SNCAIP: variants seen among roughly 807,000 people sequenced by gnomAD.
The protein encoded by SNCAIP is synuclein alpha interacting protein.
Under a neutral mutation model 86.7 loss-of-function variants are expected in SNCAIP, and 43 were observed. The ratio of observed to expected loss-of-function variants is 0.50; its 90% CI spans 0.39 to 0.64. The LOEUF is 0.64. Among genes scored for constraint, SNCAIP ranks in the 30% least tolerant of loss-of-function variants. The pLI, the probability that SNCAIP is intolerant of heterozygous loss-of-function variation, is 0.00. For synonymous variants in SNCAIP, 417 were observed against 427.2 expected (o/e 0.98, Z 0.29); for missense variants, 981 against 1,103.1 (o/e 0.89, Z 1.57).
chr5:122,363,498 T>A (rs2152772792), intron 1 of SNCAIP, among the ~76,000 whole-genome samples: 1 of 152,148 alleles, frequency 6.6e-6, no homozygotes, highest in South Asian at 2.1e-4. Flanking sequence ...TGATATTGCC[T>A]CCCCTTGCCA....
At chr5:122,312,526 TG>T (rs1750813719) in intron 1 of SNCAIP, 1 of 152,296 alleles carries the variant, frequency 6.6e-6, no homozygotes, top group Non-Finnish European at 1.5e-5. Context: ...GCTGCTTTAC[TG>T]GGGAAAGGGG....
intron 10 of SNCAIP, chr5:122,454,645 T>C (rs1784361022): frequency 1.3e-5 from 2 of 152,720 alleles, no homozygotes; most frequent in Non-Finnish European, 2.9e-5. Flanking sequence ...TTGGGAGGAA[T>C]GTGTTTTCTG....
chr5:122,406,488 A>G lies in SNCAIP; in HGVS notation c.130+2623A>G, dbSNP rs57779750. On this transcript the variant is annotated intron_variant, in intron 3 of 10. Coordinates refer to ENST00000261368, the MANE Select transcript of SNCAIP (RefSeq NM_005460.4). Reference sequence around the variant, plus strand: ...GGATCTCTGTTCCCATCCAAACCTCATGTTGAATGGTAAACCCTAATGTTG... The same window carrying G: ...GGATCTCTGTTCCCATCCAAACCTCGTGTTGAATGGTAAACCCTAATGTTG... Among the ~76,000 whole-genome samples the G allele has an allele frequency of 8.2e-3, 1,252 of 152,214 alleles. 20 individuals are homozygous for G. Among genetic ancestry groups the G allele is most frequent in the African/African-American group, 0.028 (1,177 of 41,534 alleles).
chr5:122,435,108 TG>T (rs1437881924), intron 6 of SNCAIP, among the ~76,000 whole-genome samples: 1 of 152,052 alleles, frequency 6.6e-6, no homozygotes, highest in Non-Finnish European at 1.5e-5. Context: ...GATAGATCCC[TG>T]GGTGATAGGA....
chr5:122,325,207 A>G (rs945918072), intron 1 of SNCAIP, among the ~76,000 whole-genome samples: 20 of 152,150 alleles, frequency 1.3e-4, no homozygotes, highest in African/African-American at 4.8e-4. Flanking sequence ...GCTCTGTGTG[A>G]TAAGATGGCT....
At chr5:122,313,093 C>T (rs1750962081) in intron 1 of SNCAIP, among the ~76,000 whole-genome samples, 1 of 152,254 alleles carries the variant, frequency 6.6e-6, no homozygotes, top group Non-Finnish European at 1.5e-5. Context: ...CGAAGAAAGT[C>T]TTAGGAAACA....
chr5:122,451,681 C>A, intron 10 of SNCAIP, 80 bp downstream of exon 10: 3 of 1,107,782 alleles, frequency 2.7e-6, no homozygotes, highest in Non-Finnish European at 2.7e-6. Flanking sequence ...TGTGGGCCCA[C>A]ACTACCTTGA....
At chr5:122,390,393 C>T (rs907523118) in intron 1 of SNCAIP, among the ~76,000 whole-genome samples, 3 of 152,078 alleles carry the variant, frequency 2.0e-5, no homozygotes, top group Non-Finnish European at 4.4e-5. Context: ...TAAAGGGTTG[C>T]CCCAGGCGGC....
intron 1 of SNCAIP, among the ~76,000 whole-genome samples, chr5:122,318,876 C>T (rs1319120779): frequency 6.6e-6 from 1 of 151,854 alleles, no homozygotes; most frequent in Non-Finnish European, 1.5e-5. Flanking sequence ...TTATGAGGCA[C>T]TCTGTTTTGA....
chr5:122,438,124 T>C (rs747438031), intron 6 of SNCAIP, among the ~76,000 whole-genome samples: 4 of 152,188 alleles, frequency 2.6e-5, no homozygotes, highest in Non-Finnish European at 5.9e-5. Flanking sequence ...AAGAAGTCTC[T>C]AGAATATCAA....
At position 122,358,159 on chromosome 5, in the gene SNCAIP, TTGTGTGTGTGTGTGTG is replaced by T. The variant is rs36222259; in HGVS notation, c.-46-32900_-46-32885del. 8.9e-3 allele frequency among the ~76,000 whole-genome samples: 1,234 copies of T among 138,080 alleles called. 21 individuals carry two copies. Among genetic ancestry groups the T allele is most frequent in the African/African-American group, 0.031 (1,177 of 37,474 alleles). The allele number at this position is 138,080 out of a possible 152,430, so 90.6% of individuals were successfully genotyped here. A position where few individuals can be genotyped will look rare whatever the true frequency, so the allele number is the denominator to read the frequency against. ...ATCAAAGAAAGAAAAATTTGTTTCT[TTGTGTGTGTGTGTGTG>T]TGTGTGTGTGTGTGTGTGTGTGTGT... On this transcript the variant is annotated intron_variant, in intron 1 of 10. Transcript: ENST00000261368.
chr5:122,463,586 A>T lies in SNCAIP; in HGVS notation c.*90A>T. The T allele has an allele frequency of 6.8e-7, 1 of 1,470,336 alleles. No homozygotes were observed. Among genetic ancestry groups the T allele is most frequent in the Non-Finnish European group, 9.5e-7 (1 of 1,056,204 alleles). 91.1% of individuals were successfully genotyped at this position (1,470,336 alleles called of 1,614,324 possible). On this transcript the variant is annotated 3_prime_UTR_variant, in exon 11 of 11. Transcript: ENST00000261368. ...GAACTCTTCTTGTAAATCACTTTTTAAATTTTCTCTCACTGATGCCCTTTG... is the reference window on the plus strand; with the variant it reads ...GAACTCTTCTTGTAAATCACTTTTTTAATTTTCTCTCACTGATGCCCTTTG...
chr5:122,385,728 G>A (rs1420955872), intron 1 of SNCAIP, among the ~76,000 whole-genome samples: 1 of 151,658 alleles, frequency 6.6e-6, no homozygotes, highest in Non-Finnish European at 1.5e-5. Flanking sequence ...TGCAGGGAGC[G>A]GCTGTGTTTT....
intron 1 of SNCAIP, among the ~76,000 whole-genome samples, chr5:122,353,741 G>A (rs1480419717): frequency 1.3e-5 from 2 of 152,086 alleles, no homozygotes; most frequent in African/African-American, 4.8e-5. Flanking sequence ...TGCCATAATT[G>A]TGAGGCCTCC....
At chr5:122,386,830 A>T (rs927054822) in intron 1 of SNCAIP, among the ~76,000 whole-genome samples, 1 of 152,154 alleles carries the variant, frequency 6.6e-6, no homozygotes, top group African/African-American at 2.4e-5. Context: ...CAAAAAAAAA[A>T]AAAATTAAAA....
At chr5:122,320,932 CT>C (rs1561503831) in intron 1 of SNCAIP, among the ~76,000 whole-genome samples, 1 of 152,140 alleles carries the variant, frequency 6.6e-6, no homozygotes, top group Non-Finnish European at 1.5e-5. Flanking sequence ...GCAAATTCAC[CT>C]TCTTTGTAGC....
At chr5:122,440,087 C>T (rs1780495469) in intron 6 of SNCAIP, among the ~76,000 whole-genome samples, 1 of 152,184 alleles carries the variant, frequency 6.6e-6, no homozygotes, top group African/African-American at 2.4e-5. Flanking sequence ...TTACACTTGG[C>T]AACTTAACGT....
At chr5:122,396,562 T>C (rs990021673) in intron 2 of SNCAIP, among the ~76,000 whole-genome samples, 3 of 152,182 alleles carry the variant, frequency 2.0e-5, no homozygotes, top group African/African-American at 7.2e-5. Context: ...TCACAATTAG[T>C]TTTTATGCCA....
At position 122,331,270 on chromosome 5, in the gene SNCAIP, G is replaced by C. The variant is rs188444384; in HGVS notation, c.-47+18986G>C. Among the ~76,000 whole-genome samples the C allele has an allele frequency of 3.9e-5, 6 of 152,272 alleles. No homozygotes were observed. The East Asian group carries it at 1.2e-3, about 29-fold the overall frequency. ...AAAATATGGTCCCTAGTTAATTCCTGTGTGACGTGAAATCTCAAGTTCATT... is the reference window on the plus strand; with the variant it reads ...AAAATATGGTCCCTAGTTAATTCCTCTGTGACGTGAAATCTCAAGTTCATT... On this transcript the variant is annotated intron_variant, in intron 1 of 10. Coordinates refer to ENST00000261368, the MANE Select transcript of SNCAIP (RefSeq NM_005460.4).
Sources: gnomAD v4.1 joint callset for allele counts (sites outside exome capture counted in the v4.1 genomes callset) on GRCh38, gnomAD v4.1.1 for gene constraint, MANE v1.5 for transcripts, NCBI Gene and HGNC (gene_info 2026-07-23, HGNC 2026-07-21) for gene names.